Variants in C2orf76 observed in about 807,000 individuals in gnomAD.
C2orf76 encodes the protein UPF0538 protein C2orf76.
In C2orf76, 23 loss-of-function variants were observed where a neutral mutation model predicts 16.9. The observed-to-expected ratio is 1.36, with a 90% CI of 0.98 to 1.93. The LOEUF (loss-of-function observed/expected upper bound fraction) is 1.93. Among genes scored for constraint, C2orf76 ranks in the 30% most tolerant of loss-of-function variants. C2orf76 has a pLI of 0.00. For synonymous variants in C2orf76, 48 were observed against 52.3 expected (o/e 0.92, Z 0.35); for missense variants, 152 against 152.6 (o/e 1.00, Z 0.02).
At chr2:119,281,182 A>G in the C2orf76 span, among the ~76,000 whole-genome samples, 1 of 152,086 alleles carries the variant, frequency 6.6e-6, no homozygotes, top group East Asian at 1.9e-4. Flanking sequence ...AGGAAAACTC[A>G]TCTCATGGGG....
the C2orf76 span, among the ~76,000 whole-genome samples, chr2:119,282,377 T>G: frequency 2.0e-5 from 3 of 152,290 alleles, no homozygotes; most frequent in Non-Finnish European, 4.4e-5. Context: ...TCACCAAGCC[T>G]CCTTCCTGTC....
intron 1 of C2orf76, among the ~76,000 whole-genome samples, chr2:119,345,032 A>G (rs925667092): frequency 1.3e-5 from 2 of 152,216 alleles, no homozygotes; most frequent in African/African-American, 4.8e-5. Flanking sequence ...TGAAACAAAT[A>G]TTTAACTATA....
In C2orf76 at chr2:119,303,702, C is replaced by T. The variant is rs147059076; in HGVS notation, c.305-1154G>A. On this transcript the variant is annotated intron_variant, in intron 5 of 5. Coordinates refer to ENST00000334816, the MANE Select transcript of C2orf76 (RefSeq NM_001322331.2). Reference sequence around the variant, plus strand: ...TGTTTTTGCTGTTTTCAAGAATATCCAATTTAATGTTTGTTAATCATAAGC... The same window carrying T: ...TGTTTTTGCTGTTTTCAAGAATATCTAATTTAATGTTTGTTAATCATAAGC... Among the ~76,000 whole-genome samples the T allele has an allele frequency of 5.3e-4, 81 of 152,174 alleles. 2 individuals are homozygous for T. The South Asian group carries it at 0.011, about 20-fold the overall frequency.
upstream of C2orf76, chr2:119,366,913 G>A (rs1460644098): frequency 3.6e-6 from 4 of 1,117,700 alleles, no homozygotes; most frequent in African/African-American, 1.6e-5. Context: ...GCTTCTGATT[G>A]GCTTTCCGGT....
At chr2:119,327,880 A>G (rs980135834) in intron 2 of C2orf76, among the ~76,000 whole-genome samples, 2 of 151,732 alleles carry the variant, frequency 1.3e-5, no homozygotes, top group African/African-American at 2.4e-5. Flanking sequence ...GTTGGATTTG[A>G]TTTACTAAAG....
At chr2:119,289,744 C>T in the C2orf76 span, among the ~76,000 whole-genome samples, 3 of 151,408 alleles carry the variant, frequency 2.0e-5, no homozygotes, top group Non-Finnish European at 4.4e-5. Context: ...AATTAGACAC[C>T]AAGGGGGTCC....
chr2:119,290,410 T>G, the C2orf76 span, among the ~76,000 whole-genome samples: 1 of 152,090 alleles, frequency 6.6e-6, no homozygotes, highest in Non-Finnish European at 1.5e-5. Flanking sequence ...ATTATTAGTC[T>G]TCTTTTTAGA....
chr2:119,306,278 G>A (rs1334003573), intron 5 of C2orf76, among the ~76,000 whole-genome samples: 3 of 152,174 alleles, frequency 2.0e-5, no homozygotes, highest in Non-Finnish European at 2.9e-5. Flanking sequence ...GAAAGAGAAG[G>A]GGGAGCCACA....
chr2:119,282,349 C>T, the C2orf76 span, among the ~76,000 whole-genome samples: 1 of 152,142 alleles, frequency 6.6e-6, no homozygotes, highest in Admixed American at 6.5e-5. Context: ...CATGGCGCTG[C>T]CAGGGTGGGA....
At chr2:119,335,577 T>C (rs1679822043) in intron 2 of C2orf76, among the ~76,000 whole-genome samples, 1 of 152,236 alleles carries the variant, frequency 6.6e-6, no homozygotes, top group Admixed American at 6.5e-5. Flanking sequence ...AGGATTTTTG[T>C]ACATGGTTTA....
chr2:119,322,118 G>A (rs985831909), intron 2 of C2orf76, among the ~76,000 whole-genome samples: 2 of 151,294 alleles, frequency 1.3e-5, no homozygotes, highest in African/African-American at 4.9e-5. Flanking sequence ...GTGTATATAT[G>A]TGTATATATA....
the C2orf76 span, among the ~76,000 whole-genome samples, chr2:119,289,632 G>A: frequency 6.6e-6 from 1 of 151,562 alleles, no homozygotes; most frequent in East Asian, 1.9e-4. Flanking sequence ...GTTGCAGTGA[G>A]CCGAGATCGT....
intron 1 of C2orf76, among the ~76,000 whole-genome samples, chr2:119,365,983 T>C (rs1458952988): frequency 6.6e-6 from 1 of 152,058 alleles, no homozygotes; most frequent in African/African-American, 2.4e-5. Flanking sequence ...CTTCCCCTGG[T>C]TCCTTGCCCA....
intron 1 of C2orf76, among the ~76,000 whole-genome samples, chr2:119,363,626 G>A (rs1680824715): frequency 6.6e-6 from 1 of 152,102 alleles, no homozygotes; most frequent in Non-Finnish European, 1.5e-5. Context: ...TTCATTTTCT[G>A]GTGATTAGGT....
At chr2:119,340,832 C>T (rs1680005111) in intron 1 of C2orf76, among the ~76,000 whole-genome samples, 1 of 150,510 alleles carries the variant, frequency 6.6e-6, no homozygotes, top group African/African-American at 2.4e-5. Flanking sequence ...ATTATTTCCT[C>T]CAAAAAATGT....
chr2:119,305,750 C>T (rs1312187408), intron 5 of C2orf76, among the ~76,000 whole-genome samples: 1 of 152,078 alleles, frequency 6.6e-6, no homozygotes, highest in Non-Finnish European at 1.5e-5. Flanking sequence ...GTCATAAAAT[C>T]CTAATCTATA....
At chr2:119,365,176 C>A (rs1201488852) in intron 1 of C2orf76, among the ~76,000 whole-genome samples, 2 of 152,190 alleles carry the variant, frequency 1.3e-5, no homozygotes, top group Non-Finnish European at 2.9e-5. Flanking sequence ...CTAATCTCAA[C>A]AATACCCTAA....
chr2:119,297,323 C>T (rs1049046988), downstream of C2orf76, among the ~76,000 whole-genome samples: 2 of 152,204 alleles, frequency 1.3e-5, no homozygotes, highest in Non-Finnish European at 2.9e-5. Context: ...GACTTCTCAA[C>T]CATCTTTAAG....
chr2:119,361,983 C>T (rs1264962764), intron 1 of C2orf76, among the ~76,000 whole-genome samples: 7 of 152,062 alleles, frequency 4.6e-5, no homozygotes, highest in African/African-American at 7.2e-5. Flanking sequence ...AGCCTTGTCA[C>T]CAGATTTTAA....
Sources: gnomAD v4.1 joint callset for allele counts (sites outside exome capture counted in the v4.1 genomes callset) on GRCh38, gnomAD v4.1.1 for gene constraint, MANE v1.5 for transcripts, NCBI Gene and HGNC (gene_info 2026-07-23, HGNC 2026-07-21) for gene names.